ABAT: variants seen among roughly 807,000 people sequenced by gnomAD.
The protein encoded by ABAT is 4-aminobutyrate aminotransferase, also known as 4-aminobutyrate aminotransferase, mitochondrial.
A neutral mutation model predicts 64.6 loss-of-function variants in ABAT; 45 were observed. The ratio of observed to expected loss-of-function variants is 0.70; its 90% CI spans 0.55 to 0.89. The LOEUF is 0.89. Ranked by LOEUF, ABAT falls within the 40% of genes least tolerant of loss-of-function variation. ABAT has a pLI of 0.00. For synonymous variants in ABAT, 297 were observed against 250.5 expected, an observed-to-expected ratio of 1.19 and a Z score of -1.75; for missense variants, 633 against 658.4, an observed-to-expected ratio of 0.96 and a Z score of 0.42.
intron 2 of ABAT, chr16:8,738,331 A>G: frequency 2.3e-6 from 1 of 443,232 alleles, no homozygotes; most frequent in Admixed American, 2.5e-5. Flanking sequence ...TAATAGATAA[A>G]TAAGTTTTTA....
chr16:8,715,703 T>C (rs1018242393), intron 1 of ABAT: 1 of 151,150 alleles, frequency 6.6e-6, no homozygotes, highest in African/African-American at 2.4e-5. Flanking sequence ...GAATATAGAT[T>C]GTATGTTAGA....
At chr16:8,750,689 G>T in intron 5 of ABAT, 150 bp downstream of exon 5, 1 of 767,970 alleles carries the variant, frequency 1.3e-6, no homozygotes, top group South Asian at 1.4e-5. Context: ...AATAAATAAT[G>T]TGTAAAGGGT....
chr16:8,745,348 A>G (rs2059299520), intron 2 of ABAT, among the ~76,000 whole-genome samples: 1 of 152,138 alleles, frequency 6.6e-6, no homozygotes, highest in Non-Finnish European at 1.5e-5. Flanking sequence ...TACTGGTCCC[A>G]TTATTTTCTT....
intron 1 of ABAT, among the ~76,000 whole-genome samples, chr16:8,716,607 C>T (rs192165754): frequency 3.8e-4 from 58 of 152,300 alleles, no homozygotes; most frequent in Admixed American, 8.5e-4. Flanking sequence ...AATTCGTAAC[C>T]ATTTTCTCAC....
chr16:8,759,220 TG>T (rs1339014822), intron 6 of ABAT, among the ~76,000 whole-genome samples: 1 of 152,226 alleles, frequency 6.6e-6, no homozygotes, highest in African/African-American at 2.4e-5. Context: ...CAACTCTTTT[TG>T]TTATTGGAAC....
At chr16:8,775,901 G>C (rs990316250) in intron 13 of ABAT, among the ~76,000 whole-genome samples, 6 of 152,178 alleles carry the variant, frequency 3.9e-5, no homozygotes, top group Non-Finnish European at 8.8e-5. Context: ...GGGTAAAGTG[G>C]ATGATCTTTG....
intron 5 of ABAT, among the ~76,000 whole-genome samples, chr16:8,755,531 C>G (rs1447193724): frequency 6.6e-6 from 1 of 152,198 alleles, no homozygotes; most frequent in Non-Finnish European, 1.5e-5. Flanking sequence ...CCCTGTTGTG[C>G]TCCAACCTTA....
intron 1 of ABAT, among the ~76,000 whole-genome samples, chr16:8,679,139 G>A (rs1416368260): frequency 3.3e-5 from 5 of 152,058 alleles, no homozygotes; most frequent in Non-Finnish European, 7.4e-5. Context: ...AGTTGTGAGT[G>A]AGCCACTGCA....
chr16:8,719,663 C>T (rs867209670), intron 1 of ABAT, among the ~76,000 whole-genome samples: 48 of 152,118 alleles, frequency 3.2e-4, no homozygotes, highest in Middle Eastern at 6.8e-3. Flanking sequence ...GCTCATCAGG[C>T]CATAGAAGAA....
chr16:8,725,644 A>G (rs1239778652), intron 1 of ABAT, among the ~76,000 whole-genome samples: 2 of 152,014 alleles, frequency 1.3e-5, no homozygotes, highest in Non-Finnish European at 2.9e-5. Context: ...GGCTTTTTCT[A>G]CCTTTCGGCG....
At position 8,740,289 on chromosome 16, in the gene ABAT, C is replaced by T. The variant is rs192614382; in HGVS notation, c.70+4480C>T. Among the ~76,000 whole-genome samples the T allele has an allele frequency of 7.2e-4, 110 of 152,254 alleles. No homozygotes were observed. In the Middle Eastern group the frequency reaches 0.01, roughly 14 times the overall value. On this transcript the variant is annotated intron_variant, in intron 2 of 15. Transcript: ENST00000268251. ...TATGTTTATTATCTCACAGTTTCTG[C>T]GGGTTGGGACTCCAGGGGTGACTTA...
chr16:8,700,702 T>C (rs758410701), intron 1 of ABAT, among the ~76,000 whole-genome samples: 1 of 152,130 alleles, frequency 6.6e-6, no homozygotes, highest in African/African-American at 2.4e-5. Flanking sequence ...GATCAAGCAG[T>C]CTTCCCACTC....
At position 8,757,772 on chromosome 16, in the gene ABAT, C is replaced by A. The variant is rs771274821; in HGVS notation, c.332C>A (p.Ala111Asp). ...CTGCCCTCAGGTTACAGCCACCCCG[C>A]CCTGCTGAAACTCATCCAACAGCCT... ...SSVPIGYSHP[A>D]LLKLIQQPQN... Residue 111 changes from alanine (A) to aspartate (D), a missense_variant, in exon 6 of 16, where the codon GCC (alanine) becomes GAC (aspartate). Coordinates refer to ENST00000268251, the MANE Select transcript of ABAT (RefSeq NM_020686.6). The A allele has an allele frequency of 2.5e-6, 4 of 1,614,104 alleles. No homozygotes were observed. The South Asian group carries it at 3.3e-5, about 13-fold the overall frequency.
chr16:8,721,064 C>T (rs1037805546), intron 1 of ABAT: 5 of 152,196 alleles, frequency 3.3e-5, no homozygotes, highest in African/African-American at 1.2e-4. Context: ...AAAATAGTTC[C>T]AATTGCTATT....
intron 1 of ABAT, chr16:8,720,631 C>A (rs554837701): frequency 1.3e-5 from 2 of 152,430 alleles, no homozygotes; most frequent in East Asian, 3.9e-4. Context: ...TTAACCCCAT[C>A]TGCACAGGCC....
At chr16:8,729,901 C>T (rs2058669961) in intron 1 of ABAT, among the ~76,000 whole-genome samples, 1 of 151,034 alleles carries the variant, frequency 6.6e-6, no homozygotes, top group African/African-American at 2.4e-5. Context: ...AGGACTCTGG[C>T]CCAGCCCTGT....
intron 5 of ABAT, among the ~76,000 whole-genome samples, 199 bp downstream of exon 5, chr16:8,750,738 C>T (rs1016932700): frequency 1.3e-5 from 2 of 152,094 alleles, no homozygotes; most frequent in Non-Finnish European, 2.9e-5. Context: ...CTCATCTACT[C>T]CTTCCCCAAA....
chr16:8,737,343 G>A (rs2058974893), intron 2 of ABAT: 1 of 151,956 alleles, frequency 6.6e-6, no homozygotes, highest in Admixed American at 6.6e-5. Flanking sequence ...CAGGTATGGT[G>A]GTGGATGCCT....
intron 6 of ABAT, 61 bp downstream of exon 6, chr16:8,757,867 C>A: frequency 6.5e-7 from 1 of 1,542,312 alleles, no homozygotes; most frequent in Non-Finnish European, 9.0e-7. Flanking sequence ...CACAGAATCA[C>A]TGGGCAGACT....
Sources: gnomAD v4.1 joint callset for allele counts (sites outside exome capture counted in the v4.1 genomes callset) on GRCh38, gnomAD v4.1.1 for gene constraint, MANE v1.5 for transcripts, NCBI Gene and HGNC (gene_info 2026-07-23, HGNC 2026-07-21) for gene names.